MED13L: variants seen among roughly 807,000 people sequenced by gnomAD.
MED13L encodes mediator of RNA polymerase II transcription subunit 13-like.
In MED13L, 7 loss-of-function variants were observed where a neutral mutation model predicts 220.9. The observed-to-expected ratio is 0.03, with a 90% CI of 0.02 to 0.06. The LOEUF (loss-of-function observed/expected upper bound fraction) is 0.06, where lower values mean the gene tolerates loss of function less well. Among genes scored for constraint, MED13L ranks in the 10% least tolerant of loss-of-function variants. The probability of loss-of-function intolerance (pLI) is 1.00; values close to 1 mark genes in which losing one functional copy is unlikely to be tolerated. For synonymous variants in MED13L, 1,011 were observed against 1,015.2 expected, an observed-to-expected ratio of 1.00 and a Z score of 0.08; for missense variants, 1,965 against 2,760.5, an observed-to-expected ratio of 0.71 and a Z score of 6.46.
At chr12:116,222,839 AAAC>A (rs1330715098) in intron 2 of MED13L, among the ~76,000 whole-genome samples, 2 of 152,358 alleles carry the variant, frequency 1.3e-5, no homozygotes, top group Non-Finnish European at 2.9e-5. Flanking sequence ...CTATTTTGAT[AAAC>A]AACTGGACAA....
At chr12:116,269,466 C>CAAAAAAAAAAA (rs34100053) in intron 1 of MED13L, among the ~76,000 whole-genome samples, 6 of 69,138 alleles carry the variant, frequency 8.7e-5, no homozygotes, top group Non-Finnish European at 1.3e-4. Context: ...TTAAACTATG[C>CAAAAAAAAAAA]AAAAAAAAAA....
intron 1 of MED13L, among the ~76,000 whole-genome samples, chr12:116,244,595 T>C (rs1240545913): frequency 6.6e-6 from 1 of 152,108 alleles, no homozygotes; most frequent in Non-Finnish European, 1.5e-5. Flanking sequence ...TACAGGTATT[T>C]TGGAAGTAGG....
At chr12:116,151,084 G>A (rs1023409693) in intron 2 of MED13L, among the ~76,000 whole-genome samples, 3 of 151,992 alleles carry the variant, frequency 2.0e-5, no homozygotes, top group Admixed American at 1.3e-4. Flanking sequence ...AAACTTCAGA[G>A]GACCAGAAGA....
intron 2 of MED13L, among the ~76,000 whole-genome samples, chr12:116,180,956 A>T (rs1880478366): frequency 7.1e-6 from 1 of 141,114 alleles, no homozygotes; most frequent in African/African-American, 2.7e-5. Context: ...TTTGAAATGC[A>T]GTCTTGCTCT....
At chr12:116,070,927 AT>A (rs2137682270) in intron 4 of MED13L, among the ~76,000 whole-genome samples, 1 of 152,336 alleles carries the variant, frequency 6.6e-6, no homozygotes, top group Admixed American at 6.5e-5. Context: ...TCCTATCAAT[AT>A]TTAGCACTCA....
chr12:115,959,498 A>C lies in MED13L; in HGVS notation c.*1768T>G, dbSNP rs1241775688. 6.6e-6 allele frequency: 1 copy of C among 152,650 alleles called. No individual in the cohort carries two copies. The highest frequency in any genetic ancestry group is 1.5e-5 in the Non-Finnish European group (1 of 68,044). 9.5% of individuals were successfully genotyped at this position (152,650 alleles called of 1,614,324 possible). ...TGTCTTCTCACCAAGATAATTTTAT[A>C]CAAGTTTACAATCTTCATCTTCTTA... On this transcript the variant is annotated 3_prime_UTR_variant, in exon 31 of 31. Transcript: ENST00000281928.
chr12:116,102,281 C>A (rs1173788532), intron 3 of MED13L, among the ~76,000 whole-genome samples: 1 of 152,200 alleles, frequency 6.6e-6, no homozygotes, highest in Non-Finnish European at 1.5e-5. Flanking sequence ...CGTAAGATTA[C>A]AAATGTCACC....
intron 2 of MED13L, among the ~76,000 whole-genome samples, chr12:116,210,838 C>T (rs1012073873): frequency 3.3e-5 from 5 of 151,816 alleles, no homozygotes; most frequent in African/African-American, 7.3e-5. Flanking sequence ...AATAAAGAAA[C>T]TTCTAAATAA....
At chr12:116,229,380 T>C (rs367938021) in intron 2 of MED13L, among the ~76,000 whole-genome samples, 2 of 152,332 alleles carry the variant, frequency 1.3e-5, no homozygotes, top group East Asian at 1.9e-4. Flanking sequence ...TGATTTCATA[T>C]CAACGCAAAA....
At chr12:116,253,971 G>T (rs1459223145) in intron 1 of MED13L, among the ~76,000 whole-genome samples, 1 of 151,714 alleles carries the variant, frequency 6.6e-6, no homozygotes, top group Admixed American at 6.6e-5. Flanking sequence ...ACATTGGCCA[G>T]GCTGGTCTCG....
Position 115,986,393 on chromosome 12 carries a change from C to G in MED13L, c.4211G>C (p.Trp1404Ser). ...ATATGGGTCCAACAAGAGCCTCTCC[C>G]AAAACGGCAAGGAGAATGGCGAGAT... The part of the protein sequence containing the change: ...LTISPFSLPF[W>S]ERLLLDPYGG... Residue 1404 changes from tryptophan (W) to serine (S), a missense_variant, in exon 19 of 31, where the codon TGG becomes TCG. Trp to Ser is a radical substitution (Grantham distance 177). Transcript: ENST00000281928. 1 of 1,614,102 alleles carries G rather than the reference C, an allele frequency of 6.2e-7. No individual in the cohort carries two copies. The highest frequency in any genetic ancestry group is 8.5e-7 in the Non-Finnish European group (1 of 1,180,004).
chr12:116,026,500 A>T (rs969585947), intron 4 of MED13L, among the ~76,000 whole-genome samples: 3 of 152,206 alleles, frequency 2.0e-5, no homozygotes, highest in African/African-American at 7.2e-5. Context: ...CCATAGATGT[A>T]AAAGCACCTG....
chr12:116,035,351 TC>T (rs1881119610), intron 4 of MED13L, among the ~76,000 whole-genome samples: 2 of 151,324 alleles, frequency 1.3e-5, no homozygotes, highest in South Asian at 4.2e-4. Flanking sequence ...CAATAATAAA[TC>T]CCTCAATATA....
chr12:116,250,368 T>A (rs934738622), intron 1 of MED13L, among the ~76,000 whole-genome samples: 2 of 151,724 alleles, frequency 1.3e-5, no homozygotes, highest in Admixed American at 6.6e-5. Flanking sequence ...TTTTTTTTTT[T>A]ATTTCTTCAG....
intron 2 of MED13L, among the ~76,000 whole-genome samples, chr12:116,146,637 G>A (rs1290623902): frequency 6.6e-6 from 1 of 151,922 alleles, no homozygotes; most frequent in Non-Finnish European, 1.5e-5. Flanking sequence ...GACGAAGGCA[G>A]GGGGGACTGC....
chr12:116,238,373 C>G (rs963250979), intron 1 of MED13L, among the ~76,000 whole-genome samples: 1 of 152,180 alleles, frequency 6.6e-6, no homozygotes, highest in Non-Finnish European at 1.5e-5. Flanking sequence ...TGAGAACTTG[C>G]AACCAGCAGA....
chr12:116,046,854 T>C (rs1048390513), intron 4 of MED13L, among the ~76,000 whole-genome samples: 1 of 152,166 alleles, frequency 6.6e-6, no homozygotes, highest in Non-Finnish European at 1.5e-5. Context: ...GTGCCTGTAG[T>C]CCCAGCTACT....
intron 2 of MED13L, among the ~76,000 whole-genome samples, chr12:116,148,076 AGGGGGGCGGGAGTG>A (rs1565900319): frequency 4.6e-4 from 23 of 50,546 alleles, no homozygotes; most frequent in Non-Finnish European, 6.3e-4. Flanking sequence ...AAAAAAAAAG[AGGGGGGCGGGAGTG>A]GAGGGGGGCG....
intron 2 of MED13L, among the ~76,000 whole-genome samples, chr12:116,223,263 T>G (rs1340151030): frequency 1.3e-5 from 2 of 152,182 alleles, no homozygotes; most frequent in African/African-American, 4.8e-5. Context: ...TCCACAGCCA[T>G]CTGTTCTATG....
Sources: allele counts gnomAD v4.1 joint callset (sites outside exome capture counted in the v4.1 genomes callset), GRCh38; gene constraint gnomAD v4.1.1; transcripts MANE v1.5; gene names NCBI Gene and HGNC (gene_info 2026-07-23, HGNC 2026-07-21).